The following UGT2B4 variants were observed in gnomAD, a reference collection of about 807,000 sequenced individuals.
The protein encoded by UGT2B4 is UDP-glucuronosyltransferase 2B4.
A neutral mutation model predicts 49.8 loss-of-function variants in UGT2B4; 49 were observed. The observed-to-expected ratio is 0.98, with a 90% CI of 0.78 to 1.25. The LOEUF (loss-of-function observed/expected upper bound fraction) is 1.25, where lower values mean the gene tolerates loss of function less well. Among genes scored for constraint, UGT2B4 ranks in the 50% most tolerant of loss-of-function variants. The pLI is 0.00. For synonymous variants in UGT2B4, 246 were observed against 217.7 expected, an observed-to-expected ratio of 1.13 and a Z score of -1.14; for missense variants, 729 against 627.7, an observed-to-expected ratio of 1.16 and a Z score of -1.73.
intron 1 of UGT2B4, among the ~76,000 whole-genome samples, chr4:69,523,198 A>G (rs1728884445): frequency 6.6e-6 from 1 of 152,168 alleles, no homozygotes; most frequent in South Asian, 2.1e-4. Context: ...ATAAGTTATG[A>G]CTACTTCAAA....
At position 69,517,851 on chromosome 4, in the gene UGT2B4, G is replaced by A. The variant is rs149413654; in HGVS notation, c.-106+7836C>T. On this transcript the variant is annotated intron_variant, in intron 1 of 1. Coordinates refer to the UGT2B4 transcript ENST00000510114. ...AAGGTGGAGGTGGAAGTTTCCCAGA[G>A]CTTCACTCAATATTGCCACCTACAG... The A allele has an allele frequency of 5.8e-5, 10 of 172,580 alleles. No homozygotes were observed. The East Asian group carries it at 1.8e-3, about 31-fold the overall frequency. 10.7% of individuals were successfully genotyped at this position (172,580 alleles called of 1,614,324 possible).
intron 2 of UGT2B4, among the ~76,000 whole-genome samples, chr4:69,493,441 A>G (rs1728051790): frequency 6.6e-6 from 1 of 152,118 alleles, no homozygotes; most frequent in South Asian, 2.1e-4. Context: ...GTACCTTCTT[A>G]TATGTTGCAT....
Position 69,495,245 on chromosome 4 carries a change from G to A in UGT2B4, c.617C>T (p.Thr206Ile). ...CATATTTTTTACCCTCTCTATGAAA[G>A]TCATTTGGTCACTTAGTTCTGACAT... ...VVMSELSDQMTFIERVKNMIY... is the reference protein window; with the variant it reads ...VVMSELSDQMIFIERVKNMIY... The change falls in exon 1 of 6, where the codon ACT (threonine) becomes ATT (isoleucine). Residue 206 changes from threonine to isoleucine, a missense_variant. Thr to Ile is a moderately conservative substitution (Grantham distance 89, BLOSUM62 -1). Transcript: ENST00000305107. 1 of 1,612,434 alleles carries A rather than the reference G, an allele frequency of 6.2e-7. No homozygotes were observed. Among genetic ancestry groups the A allele is most frequent in the Non-Finnish European group, 8.5e-7 (1 of 1,179,530 alleles).
intron 1 of UGT2B4, chr4:69,525,575 C>T (rs1202049683): frequency 1.1e-5 from 5 of 472,022 alleles, no homozygotes; most frequent in Non-Finnish European, 1.4e-5. Context: ...ATTTTTTGGG[C>T]AACGTGATAT....
At chr4:69,497,394 C>T (rs1728195847), upstream of UGT2B4, among the ~76,000 whole-genome samples, 1 of 152,210 alleles carries the variant, frequency 6.6e-6, no homozygotes, top group Admixed American at 6.5e-5. Flanking sequence ...AGTTTGAGGG[C>T]CTCCAACTAT....
intron 1 of UGT2B4, chr4:69,518,492 AT>A (rs1480297549): frequency 6.6e-6 from 1 of 152,200 alleles, no homozygotes; most frequent in Non-Finnish European, 1.5e-5. Flanking sequence ...TTAAAAGTTA[AT>A]TTTTAAATAT....
chr4:69,499,658 C>A (rs78709487), upstream of UGT2B4, among the ~76,000 whole-genome samples: 1 of 152,108 alleles, frequency 6.6e-6, no homozygotes, highest in Non-Finnish European at 1.5e-5. Context: ...TTTAAAGTCT[C>A]TTTTGTCAGA....
chr4:69,499,745 C>T (rs1003689013), upstream of UGT2B4, among the ~76,000 whole-genome samples: 2 of 152,086 alleles, frequency 1.3e-5, no homozygotes, highest in African/African-American at 4.8e-5. Flanking sequence ...TATTTTGAGC[C>T]TATGTGTGTC....
intron 2 of UGT2B4, among the ~76,000 whole-genome samples, chr4:69,491,366 A>G (rs1289042498): frequency 2.0e-5 from 3 of 151,904 alleles, no homozygotes; most frequent in Non-Finnish European, 4.4e-5. Flanking sequence ...TGTTTATTTT[A>G]TGAATATTTT....
intron 5 of UGT2B4, among the ~76,000 whole-genome samples, chr4:69,482,894 T>C (rs1005797030): frequency 4.6e-5 from 7 of 152,000 alleles, no homozygotes; most frequent in Admixed American, 3.9e-4. Flanking sequence ...AATGTAGCAG[T>C]TGTTGGTTTA....
intron 1 of UGT2B4, chr4:69,525,566 T>C (rs984401207): frequency 5.1e-6 from 2 of 395,340 alleles, no homozygotes; most frequent in African/African-American, 2.2e-5. Context: ...TGGAGACTCA[T>C]TTTTTGGGCA....
intron 3 of UGT2B4, among the ~76,000 whole-genome samples, chr4:69,488,857 C>T (rs2013562): frequency 0.41 from 61,673 of 151,644 alleles, 13,288 homozygotes; most frequent in South Asian, 0.62. Flanking sequence ...CCTAGCTCTG[C>T]GGATCCTTAC....
intron 2 of UGT2B4, among the ~76,000 whole-genome samples, chr4:69,491,282 A>G (rs1296917339): frequency 6.6e-6 from 1 of 152,028 alleles, no homozygotes; most frequent in East Asian, 1.9e-4. Flanking sequence ...TGATAAAATT[A>G]TTGTAATGCT....
intron 4 of UGT2B4, 125 bp from the exon 5 acceptor site, chr4:69,485,552 G>A: frequency 7.4e-7 from 1 of 1,352,318 alleles, no homozygotes; most frequent in South Asian, 1.3e-5. Flanking sequence ...TTGTTTTTGA[G>A]ACTTCAGAGG....
rs370825904 is a variant in UGT2B4 at position 69,523,259 on chromosome 4, C to T, written c.-106+2428G>A. Among the ~76,000 whole-genome samples, 3 of 151,948 alleles carry T rather than the reference C, an allele frequency of 2.0e-5. No individual in the cohort carries two copies. The South Asian group carries it at 6.2e-4, about 32-fold the overall frequency. ...ACAGAACGTTTTCAATTTACTCAGC[C>T]CATATCAATCACAGGAATTACAATT... On this transcript the variant is annotated intron_variant, in intron 1 of 1. Coordinates refer to the UGT2B4 transcript ENST00000510114.
At chr4:69,481,967 G>A (rs766242643) in intron 5 of UGT2B4, among the ~76,000 whole-genome samples, 10 of 152,112 alleles carry the variant, frequency 6.6e-5, no homozygotes, top group Non-Finnish European at 7.4e-5. Flanking sequence ...ATCATATCAA[G>A]AATAAAATCC....
intron 1 of UGT2B4, 52 bp from the exon 2 acceptor site, chr4:69,493,893 G>C (rs767427504): frequency 1.3e-6 from 2 of 1,541,722 alleles, no homozygotes; most frequent in South Asian, 2.6e-5. Context: ...AATTAAACTA[G>C]GTAATTTTCT....
intron 5 of UGT2B4, among the ~76,000 whole-genome samples, chr4:69,482,422 A>G (rs1727621843): frequency 1.3e-5 from 2 of 152,318 alleles, no homozygotes; most frequent in African/African-American, 4.8e-5. Flanking sequence ...ATTATTTCGA[A>G]GTGAAGATAC....
chr4:69,521,880 A>G (rs1728858327), intron 1 of UGT2B4, among the ~76,000 whole-genome samples: 1 of 152,242 alleles, frequency 6.6e-6, no homozygotes, highest in African/African-American at 2.4e-5. Context: ...TATAACAATT[A>G]CCCATCATCA....
Sources: allele counts gnomAD v4.1 joint callset (sites outside exome capture counted in the v4.1 genomes callset), GRCh38; gene constraint gnomAD v4.1.1; transcripts MANE v1.5; gene names NCBI Gene and HGNC (gene_info 2026-07-23, HGNC 2026-07-21).